Variants in MEI4 observed in about 807,000 individuals in gnomAD.
MEI4 encodes the protein meiotic double-stranded break formation protein 4.
In MEI4, 27 loss-of-function variants were observed where a neutral mutation model predicts 31.4. The observed-to-expected ratio is 0.86, with a 90% CI of 0.63 to 1.19. The LOEUF (loss-of-function observed/expected upper bound fraction) is 1.19, where lower values mean the gene tolerates loss of function less well. MEI4 is among the 50% of genes most tolerant of loss of function. MEI4 has a pLI of 0.00. For missense variants in MEI4, 329 were observed against 398.9 expected, an observed-to-expected ratio of 0.82 and a Z score of 1.49; for synonymous variants, 122 against 145.4, an observed-to-expected ratio of 0.84 and a Z score of 1.16.
intron 3 of MEI4, among the ~76,000 whole-genome samples, chr6:77,799,072 A>C (rs1223689983): frequency 6.6e-6 from 1 of 152,010 alleles, no homozygotes; most frequent in Non-Finnish European, 1.5e-5. Context: ...CACCACACTG[A>C]CTTCCACAAT....
intron 1 of MEI4, among the ~76,000 whole-genome samples, chr6:77,655,541 T>C (rs1211804164): frequency 6.6e-6 from 1 of 152,188 alleles, no homozygotes; most frequent in Non-Finnish European, 1.5e-5. Flanking sequence ...GGATGCGGGC[T>C]TTTTTCTTTC....
rs1487877670 is a variant in MEI4, at chr6:77,690,912, A to G, written c.232+9A>G. 3.3e-6 allele frequency: 4 copies of G among 1,217,572 alleles called. No individual in the cohort carries two copies. In the East Asian group the frequency reaches 9.5e-5, roughly 29 times the overall value. The allele number at this position is 1,217,572 out of a possible 1,614,324, so 75.4% of individuals were successfully genotyped here. A position where few individuals can be genotyped will look rare whatever the true frequency, so the allele number is the denominator to read the frequency against. Reference sequence around the variant, plus strand: ...AGGATCCTTTAAGAGTGGTGAGTATATAAAATTGCCTTTTGGTAGTATGTC... The same window carrying G: ...AGGATCCTTTAAGAGTGGTGAGTATGTAAAATTGCCTTTTGGTAGTATGTC... On this transcript the variant is annotated intron_variant, in intron 2 of 4. Coordinates refer to ENST00000684080, the MANE Select transcript of MEI4 (RefSeq NM_001322247.2).
At chr6:77,919,740 A>G (rs1188757692) in intron 4 of MEI4, among the ~76,000 whole-genome samples, 3 of 150,126 alleles carry the variant, frequency 2.0e-5, no homozygotes, top group Non-Finnish European at 4.4e-5. Flanking sequence ...AACAAAATTG[A>G]TAGACCTCTA....
At chr6:77,739,709 T>G (rs922392395) in intron 2 of MEI4, among the ~76,000 whole-genome samples, 1 of 152,028 alleles carries the variant, frequency 6.6e-6, no homozygotes, top group Non-Finnish European at 1.5e-5. Context: ...GTTCTGCACA[T>G]GTATCCCAGA....
In MEI4 at chr6:77,726,316, T is replaced by A. The variant is rs558041422; in HGVS notation, c.233-34814T>A. ...CAAAATGGAGTCTCCTATGTCTACT[T>A]CTTTCTACACAGACACAGTAACAAT... On this transcript the variant is annotated intron_variant, in intron 2 of 4. Transcript: ENST00000684080. 1.2e-4 allele frequency among the ~76,000 whole-genome samples: 19 copies of A among 152,040 alleles called. 1 individual carries two copies. In the East Asian group the frequency reaches 3.5e-3, roughly 28 times the overall value.
At chr6:77,753,415 A>C (rs955257805) in intron 2 of MEI4, among the ~76,000 whole-genome samples, 8 of 152,204 alleles carry the variant, frequency 5.3e-5, no homozygotes, top group African/African-American at 1.7e-4. Context: ...AGAAAAAAAA[A>C]CAACCCCATC....
chr6:77,768,501 A>G (rs949971287), intron 3 of MEI4, among the ~76,000 whole-genome samples: 22 of 152,126 alleles, frequency 1.4e-4, no homozygotes, highest in Admixed American at 1.2e-3. Flanking sequence ...GGAGTTCGAG[A>G]CCAGCCTGGC....
intron 4 of MEI4, among the ~76,000 whole-genome samples, chr6:77,909,614 A>G (rs1306514384): frequency 6.6e-6 from 1 of 152,156 alleles, no homozygotes; most frequent in Admixed American, 6.6e-5. Flanking sequence ...TTCACAGCCA[A>G]ATTCTACCAG....
chr6:77,829,653 G>A (rs968315469), intron 4 of MEI4, among the ~76,000 whole-genome samples: 1 of 152,016 alleles, frequency 6.6e-6, no homozygotes, highest in East Asian at 1.9e-4. Flanking sequence ...TGGTGACAAA[G>A]GTGTAGAAGG....
At chr6:77,892,752 G>A (rs1223585456) in intron 4 of MEI4, among the ~76,000 whole-genome samples, 1 of 152,136 alleles carries the variant, frequency 6.6e-6, no homozygotes, top group Non-Finnish European at 1.5e-5. Flanking sequence ...CTGGATAAAT[G>A]TAGGATGATG....
chr6:77,715,992 CT>C (rs1327746071), intron 2 of MEI4, among the ~76,000 whole-genome samples: 1 of 152,030 alleles, frequency 6.6e-6, no homozygotes, highest in African/African-American at 2.4e-5. Context: ...GTGACATAAT[CT>C]TTTCACCTCT....
chr6:77,706,370 C>T (rs1161120351), intron 2 of MEI4, among the ~76,000 whole-genome samples: 1 of 152,126 alleles, frequency 6.6e-6, no homozygotes, highest in Non-Finnish European at 1.5e-5. Context: ...TGCTGGGTTT[C>T]CCCTCTTTGA....
intron 2 of MEI4, among the ~76,000 whole-genome samples, chr6:77,742,543 T>C (rs931897607): frequency 6.6e-6 from 1 of 152,246 alleles, no homozygotes; most frequent in Admixed American, 6.5e-5. Context: ...ATGAGTAGTT[T>C]GCGAAAATTT....
intron 4 of MEI4, among the ~76,000 whole-genome samples, chr6:77,892,002 G>A (rs1771778090): frequency 6.6e-6 from 1 of 152,244 alleles, no homozygotes; most frequent in Non-Finnish European, 1.5e-5. Flanking sequence ...CTTGGGCACA[G>A]GTTTGCCAGT....
At chr6:77,865,948 C>A (rs1423172033) in intron 4 of MEI4, among the ~76,000 whole-genome samples, 3 of 152,090 alleles carry the variant, frequency 2.0e-5, no homozygotes, top group Non-Finnish European at 4.4e-5. Context: ...TAAACGTAAT[C>A]CAGCATATAA....
At chr6:77,918,792 C>G (rs1216600226) in intron 4 of MEI4, among the ~76,000 whole-genome samples, 1 of 151,978 alleles carries the variant, frequency 6.6e-6, no homozygotes, top group Non-Finnish European at 1.5e-5. Context: ...CTGGCCAGAA[C>G]TTCCAATACT....
chr6:77,906,287 A>T (rs1215458090), intron 4 of MEI4, among the ~76,000 whole-genome samples: 1 of 152,058 alleles, frequency 6.6e-6, no homozygotes, highest in Non-Finnish European at 1.5e-5. Context: ...CATTTGGTGG[A>T]GAAGTCATTT....
chr6:77,731,251 A>G (rs549050210), intron 2 of MEI4, among the ~76,000 whole-genome samples: 1 of 147,592 alleles, frequency 6.8e-6, no homozygotes, highest in South Asian at 2.1e-4. Context: ...CCAACAGTGT[A>G]AAAGTGTTCC....
chr6:77,831,507 T>TA (rs1770079712), intron 4 of MEI4, among the ~76,000 whole-genome samples: 1 of 147,468 alleles, frequency 6.8e-6, no homozygotes, highest in African/African-American at 2.5e-5. Context: ...AAAGATAATT[T>TA]TATATATATA....
Sources: allele counts gnomAD v4.1 joint callset (sites outside exome capture counted in the v4.1 genomes callset), GRCh38; gene constraint gnomAD v4.1.1; transcripts MANE v1.5; gene names NCBI Gene and HGNC (gene_info 2026-07-23, HGNC 2026-07-21).